Variants in ZDHHC24 observed in about 807,000 individuals in gnomAD.
The protein encoded by ZDHHC24 is probable palmitoyltransferase ZDHHC24.
Under a neutral mutation model 23.2 loss-of-function variants are expected in ZDHHC24, and 17 were observed. That is an observed-to-expected ratio of 0.73 (90% confidence interval 0.50 to 1.10). ZDHHC24 has a LOEUF of 1.10. ZDHHC24 is among the 50% of genes least tolerant of loss of function. The pLI is 0.00. For missense variants in ZDHHC24, 366 were observed against 393.0 expected, an observed-to-expected ratio of 0.93 and a Z score of 0.58; for synonymous variants, 186 against 194.5, an observed-to-expected ratio of 0.96 and a Z score of 0.36.
rs377761626 is a variant in ZDHHC24, at chr11:66,539,717, G to T, written c.667C>A (p.Arg223=). 3 of 1,612,288 alleles carry T rather than the reference G, an allele frequency of 1.9e-6. No individual in the cohort carries two copies. Among genetic ancestry groups the T allele is most frequent in the African/African-American group, 2.7e-5 (2 of 74,924 alleles). ...GLLFHGMLLL[R]GQTTWEWARG... is the part of the protein sequence containing the mutation. Reference sequence around the variant, plus strand: ...GCCCACTCCCATGTGGTCTGGCCCCGCAGCAGCAGCATCCCATGGAAGAGC... The same window carrying T: ...GCCCACTCCCATGTGGTCTGGCCCCTCAGCAGCAGCATCCCATGGAAGAGC... The change falls in exon 3 of 3, where the codon CGG becomes AGG. Residue 223 remains arginine (R), a synonymous_variant. Coordinates refer to ENST00000310442, the MANE Select transcript of ZDHHC24 (RefSeq NM_207340.3).
rs1004058715 is a variant in ZDHHC24, at chr11:66,526,064, CCT to C, written c.*21+870_*21+871del. The stretch of plus-strand genomic sequence containing the variant: ...TATCTGGGGCCTCCCCTACCCATCC[CCT>C]GTCTTGCTTTCCTCTCCAAGATATT... On this transcript the variant is annotated intron_variant, in intron 4 of 4. Coordinates refer to the ZDHHC24 transcript ENST00000526986. The C allele has an allele frequency of 6.0e-5, 92 of 1,531,280 alleles. 2 individuals are homozygous for C. The Middle Eastern group carries it at 5.2e-3, about 87-fold the overall frequency. 94.9% of individuals were successfully genotyped at this position (1,531,280 alleles called of 1,614,324 possible). A position where few individuals can be genotyped will look rare whatever the true frequency, so the allele number is the denominator to read the frequency against.
chr11:66,545,328 C>T lies in ZDHHC24; in HGVS notation c.281+395G>A, dbSNP rs1438895606. 6.6e-6 allele frequency among the ~76,000 whole-genome samples: 1 copy of T among 152,186 alleles called. No homozygotes were observed. Among genetic ancestry groups the T allele is most frequent in the African/African-American group, 2.4e-5 (1 of 41,424 alleles). ...TGCTGGGATTACAGATGTGAGCCAA[C>T]GCACCCGGCCTAACCACCTATTTAA... is the stretch of plus-strand genomic sequence containing the variant. On this transcript the variant is annotated intron_variant, in intron 1 of 2. Coordinates refer to ENST00000310442, the MANE Select transcript of ZDHHC24 (RefSeq NM_207340.3). The surrounding 1 kb of genome is among the most constrained non-coding windows in gnomAD (Gnocchi z 4.5).
intron 2 of ZDHHC24, among the ~76,000 whole-genome samples, chr11:66,541,210 T>C (rs1379532526): frequency 6.6e-6 from 1 of 152,076 alleles, no homozygotes; most frequent in Admixed American, 6.5e-5. Flanking sequence ...CAGACCAGCC[T>C]GGCCAACATG....
downstream of ZDHHC24, chr11:66,532,934 C>G (rs1381791576): frequency 6.6e-6 from 1 of 152,278 alleles, no homozygotes; most frequent in Non-Finnish European, 1.5e-5. Flanking sequence ...CTTCTACATC[C>G]TGGAGCCCAA....
downstream of ZDHHC24, chr11:66,532,016 C>T (rs768390063): frequency 6.8e-6 from 11 of 1,607,118 alleles, 1 homozygote; most frequent in Middle Eastern, 8.2e-4. Context: ...TGCCTGGGAG[C>T]GAGGGGCTGG....
At chr11:66,530,272 A>G (rs534101198) in intron 2 of ZDHHC24, among the ~76,000 whole-genome samples, 10 of 152,248 alleles carry the variant, frequency 6.6e-5, no homozygotes, top group Non-Finnish European at 1.3e-4. Flanking sequence ...CAGCTATGGT[A>G]CAAGGAAGAA....
chr11:66,544,044 G>C, intron 1 of ZDHHC24, 63 bp from the exon 2 acceptor site: 1 of 1,577,406 alleles, frequency 6.3e-7, no homozygotes, highest in Non-Finnish European at 8.6e-7. Flanking sequence ...TTGTGCACAG[G>C]GCTGCCCCAG....
intron 2 of ZDHHC24, among the ~76,000 whole-genome samples, 188 bp from the exon 3 acceptor site, chr11:66,540,012 G>C (rs946480673): frequency 1.3e-4 from 20 of 152,292 alleles, no homozygotes; most frequent in African/African-American, 4.6e-4. Context: ...CCCCCTACTT[G>C]GGATACGGCT....
rs771858899 is a variant in ZDHHC24, at chr11:66,545,059, G to A, written c.281+664C>T. ...ATTTATGTATTTATTTATTTGAGAC[G>A]GAGGGAGTCTTGCTCTGTCACCCAG... On this transcript the variant is annotated intron_variant, in intron 1 of 2. Transcript: ENST00000310442. The surrounding 1 kb of genome is among the most constrained non-coding windows in gnomAD (Gnocchi z 4.5). 6.6e-6 allele frequency among the ~76,000 whole-genome samples: 1 copy of A among 152,052 alleles called. No homozygotes were observed. The highest frequency in any genetic ancestry group is 2.4e-5 in the African/African-American group (1 of 41,386).
At chr11:66,530,819 G>T, downstream of ZDHHC24, 1 of 1,596,838 alleles carries the variant, frequency 6.3e-7, no homozygotes, top group Non-Finnish European at 8.6e-7. Context: ...TTGGTGGAAG[G>T]CAGGCAGAGC....
downstream of ZDHHC24, chr11:66,531,998 C>T (rs61890368): frequency 3.0e-5 from 49 of 1,607,960 alleles, no homozygotes; most frequent in Middle Eastern, 2.0e-4. Context: ...TGAGTGCCCA[C>T]GTCAACATGC....
At position 66,537,412 on chromosome 11, in the gene ZDHHC24, C is replaced by T. The variant is rs920187583; in HGVS notation, c.*2117G>A. 6.6e-6 allele frequency: 1 copy of T among 152,124 alleles called. No individual in the cohort carries two copies. The highest frequency in any genetic ancestry group is 2.4e-5 in the African/African-American group (1 of 41,448). 9.4% of individuals were successfully genotyped at this position (152,124 alleles called of 1,614,324 possible). A position where few individuals can be genotyped will look rare whatever the true frequency, so the allele number is the denominator to read the frequency against. On this transcript the variant is annotated 3_prime_UTR_variant, in exon 3 of 3. Coordinates refer to ENST00000310442, the MANE Select transcript of ZDHHC24 (RefSeq NM_207340.3). ...GTTGGCCGAAGCCTCACCTCACCCTCCATGGTCCTGGTGGAGTTCCTGAGC... is the reference window on the plus strand; with the variant it reads ...GTTGGCCGAAGCCTCACCTCACCCTTCATGGTCCTGGTGGAGTTCCTGAGC...
At chr11:66,529,428 G>A (rs1281479915) in exon 3 of ZDHHC24, 13 of 932,048 alleles carry the variant, frequency 1.4e-5, no homozygotes, top group African/African-American at 4.9e-5. Flanking sequence ...GCACAATATC[G>A]AGCGTGGACA....
Position 66,536,153 on chromosome 11 carries a change from G to A in ZDHHC24, c.*3376C>T, listed in dbSNP as rs774369269. On this transcript the variant is annotated 3_prime_UTR_variant, in exon 3 of 3. Coordinates refer to ENST00000310442, the MANE Select transcript of ZDHHC24 (RefSeq NM_207340.3). ...GACAGTGTCTCCCCCACCAGGAAGG[G>A]GCAACAGCAGGAACTTCGAAGGAAA... The A allele has an allele frequency of 5.3e-5, 8 of 152,340 alleles. No individual in the cohort carries two copies. The highest frequency in any genetic ancestry group is 7.3e-5 in the Non-Finnish European group (5 of 68,174). 9.4% of individuals were successfully genotyped at this position (152,340 alleles called of 1,614,324 possible). A position where few individuals can be genotyped will look rare whatever the true frequency, so the allele number is the denominator to read the frequency against.
exon 5 of ZDHHC24, chr11:66,521,153 G>T (rs1856197303): frequency 1.3e-6 from 1 of 793,060 alleles, no homozygotes; most frequent in East Asian, 2.5e-5. Flanking sequence ...GTTTAAACTG[G>T]GTGTAAGTGA....
Position 66,542,450 on chromosome 11 carries a change from C to T in ZDHHC24, c.559+1254G>A, listed in dbSNP as rs555490678. ...GGTGGCGAAGGTGGAAAGGTACAGA[C>T]GGGCGGTGAGGGCCACGAGCCTGCA... On this transcript the variant is annotated intron_variant, in intron 2 of 2. Coordinates refer to ENST00000310442, the MANE Select transcript of ZDHHC24 (RefSeq NM_207340.3). 1.9e-3 allele frequency: 287 copies of T among 153,056 alleles called. 4 individuals carry two copies. Among genetic ancestry groups the T allele is most frequent in the Non-Finnish European group, 1.0e-3 (69 of 68,424 alleles). The allele number at this position is 153,056 out of a possible 1,614,324, so 9.5% of individuals were successfully genotyped here.
At chr11:66,544,513 C>A (rs1376408077) in intron 1 of ZDHHC24, among the ~76,000 whole-genome samples, 1 of 152,204 alleles carries the variant, frequency 6.6e-6, no homozygotes, top group South Asian at 2.1e-4. Context: ...CACTGGCCTT[C>A]TTGCTGTTCT....
chr11:66,543,063 G>A (rs1335282289), intron 2 of ZDHHC24, among the ~76,000 whole-genome samples: 1 of 152,132 alleles, frequency 6.6e-6, no homozygotes, highest in Admixed American at 6.5e-5. Flanking sequence ...AGGAAGGAAT[G>A]GGGGCGAGAA....
At chr11:66,534,575 A>G (rs375231729), downstream of ZDHHC24, among the ~76,000 whole-genome samples, 9 of 151,416 alleles carry the variant, frequency 5.9e-5, no homozygotes, top group East Asian at 1.7e-3. Context: ...AGGCAGGAGG[A>G]TCGCTTGAAC....
Sources: gnomAD v4.1 joint callset for allele counts (sites outside exome capture counted in the v4.1 genomes callset) on GRCh38, gnomAD v4.1.1 for gene constraint, Gnocchi (gnomAD v3.1) non-coding constraint, MANE v1.5 for transcripts, NCBI Gene and HGNC (gene_info 2026-07-23, HGNC 2026-07-21) for gene names.